LAMA2: variants seen among roughly 807,000 people sequenced by gnomAD.
The protein encoded by LAMA2 is laminin subunit alpha-2.
Under a neutral mutation model 364.8 loss-of-function variants are expected in LAMA2, and 269 were observed. The observed-to-expected ratio is 0.74, with a 90% CI of 0.67 to 0.82. LAMA2 has a LOEUF of 0.82. Among genes scored for constraint, LAMA2 ranks in the 40% least tolerant of loss-of-function variants. The pLI is 0.00. For synonymous variants in LAMA2, 1,379 were observed against 1,370.6 expected (o/e 1.01, Z -0.14); for missense variants, 3,807 against 3,873.2 (o/e 0.98, Z 0.45).
At chr6:128,941,921 T>C (rs1465935367) in intron 1 of LAMA2, among the ~76,000 whole-genome samples, 1 of 152,154 alleles carries the variant, frequency 6.6e-6, no homozygotes, top group Non-Finnish European at 1.5e-5. Flanking sequence ...GGGGACAATG[T>C]TGGCCTGCAT....
At chr6:129,166,821 C>T (rs1435267516) in intron 9 of LAMA2, among the ~76,000 whole-genome samples, 2 of 152,048 alleles carry the variant, frequency 1.3e-5, no homozygotes, top group Admixed American at 6.6e-5. Context: ...GATATTGCTC[C>T]TCTTAACTTT....
chr6:129,347,003 CA>C (rs1364325825), intron 30 of LAMA2, among the ~76,000 whole-genome samples: 1 of 152,078 alleles, frequency 6.6e-6, no homozygotes, highest in African/African-American at 2.4e-5. Flanking sequence ...CCATGCTTGG[CA>C]GATAACAGGA....
chr6:129,072,840 A>T (rs7750276), intron 3 of LAMA2, among the ~76,000 whole-genome samples: 31,516 of 152,020 alleles, frequency 0.21, 4,585 homozygotes, highest in African/African-American at 0.41. Context: ...TATAGTTCTC[A>T]TATGTTTAAT....
At chr6:129,131,841 A>G (rs1295259812) in intron 4 of LAMA2, among the ~76,000 whole-genome samples, 2 of 152,230 alleles carry the variant, frequency 1.3e-5, no homozygotes, top group South Asian at 2.1e-4. Flanking sequence ...TTTAAATGAT[A>G]TCTCACCATC....
intron 56 of LAMA2, chr6:129,491,225 CTT>C (rs906369059): frequency 8.5e-5 from 13 of 152,506 alleles, no homozygotes; most frequent in Admixed American, 7.2e-4. Flanking sequence ...CATCAGAACT[CTT>C]TGTCTCCTTC....
At chr6:128,993,183 A>T (rs1254600913) in intron 1 of LAMA2, among the ~76,000 whole-genome samples, 1 of 152,194 alleles carries the variant, frequency 6.6e-6, no homozygotes. Context: ...ACGCCAAAAA[A>T]CATTCTGACT....
rs114438622 is a variant in LAMA2 at position 129,137,065 on chromosome 6, C to T, written c.640-6836C>T. On this transcript the variant is annotated intron_variant, in intron 4 of 64. Coordinates refer to ENST00000421865, the MANE Select transcript of LAMA2 (RefSeq NM_000426.4). ...CTAAGCTTAGGGGTAGAGTTGTCAA[C>T]GATACAGTCATATTTGTTGAACAGT... is the stretch of plus-strand genomic sequence containing the variant. Among the ~76,000 whole-genome samples the T allele has an allele frequency of 6.6e-3, 1,001 of 152,130 alleles. 9 individuals are homozygous for T. Among genetic ancestry groups the T allele is most frequent in the African/African-American group, 0.022 (929 of 41,512 alleles).
chr6:129,062,911 G>GTTT, intron 3 of LAMA2, among the ~76,000 whole-genome samples: 1 of 109,996 alleles, frequency 9.1e-6, no homozygotes, highest in African/African-American at 4.1e-5. Context: ...GATTACAGTG[G>GTTT]GTTTTTTTTT....
intron 9 of LAMA2, among the ~76,000 whole-genome samples, chr6:129,172,190 C>T (rs1300347421): frequency 6.6e-6 from 1 of 152,184 alleles, no homozygotes; most frequent in African/African-American, 2.4e-5. Flanking sequence ...AAGTCGTTCT[C>T]CATCCAGCTT....
At chr6:128,998,314 T>G (rs914537005) in intron 1 of LAMA2, among the ~76,000 whole-genome samples, 3 of 152,196 alleles carry the variant, frequency 2.0e-5, no homozygotes, top group Non-Finnish European at 2.9e-5. Context: ...AGGAGCAAAG[T>G]TGATGCACAA....
chr6:129,397,527 A>G (rs748579456), intron 37 of LAMA2, among the ~76,000 whole-genome samples: 1 of 152,222 alleles, frequency 6.6e-6, no homozygotes, highest in Non-Finnish European at 1.5e-5. Context: ...ATAAAGTGCC[A>G]TAGAACAAAC....
intron 44 of LAMA2, among the ~76,000 whole-genome samples, chr6:129,443,582 C>T (rs7748682): frequency 0.025 from 3,845 of 152,234 alleles, 157 homozygotes; most frequent in African/African-American, 0.088. Flanking sequence ...AAGGTCTACA[C>T]TGTTGTTGTT....
chr6:129,255,034 GTA>G (rs1260764901), intron 14 of LAMA2, among the ~76,000 whole-genome samples: 1 of 146,176 alleles, frequency 6.8e-6, no homozygotes, highest in African/African-American at 2.8e-5. Flanking sequence ...TAGAAATGAT[GTA>G]TTTTTTTTTT....
At chr6:129,297,331 A>T (rs1773249341) in intron 20 of LAMA2, among the ~76,000 whole-genome samples, 2 of 152,208 alleles carry the variant, frequency 1.3e-5, no homozygotes, top group Non-Finnish European at 2.9e-5. Flanking sequence ...ACTAAAAATG[A>T]AGAAGTAAAA....
At chr6:129,343,674 T>C (rs1439729581) in intron 30 of LAMA2, among the ~76,000 whole-genome samples, 1 of 152,170 alleles carries the variant, frequency 6.6e-6, no homozygotes, top group Non-Finnish European at 1.5e-5. Flanking sequence ...GTGAGTACAC[T>C]ATAATAAAAG....
chr6:128,905,196 G>A (rs1392733547), intron 1 of LAMA2, among the ~76,000 whole-genome samples: 1 of 152,108 alleles, frequency 6.6e-6, no homozygotes, highest in African/African-American at 2.4e-5. Context: ...TCAATCTTTG[G>A]GGTAACTTCT....
At chr6:129,326,702 A>C (rs2114528284) in intron 28 of LAMA2, among the ~76,000 whole-genome samples, 1 of 144,432 alleles carries the variant, frequency 6.9e-6, no homozygotes, top group East Asian at 2.0e-4. Context: ...TATATATATA[A>C]TTTTATATAC....
At position 129,328,356 on chromosome 6, in the gene LAMA2, C is replaced by G; in HGVS notation, c.4255C>G (p.Pro1419Ala). Residue 1419 changes from proline (P) to alanine (A), a missense_variant, in exon 29 of 65, where the codon CCA becomes GCA. Pro to Ala is a conservative substitution (Grantham distance 27). Coordinates refer to ENST00000421865, the MANE Select transcript of LAMA2 (RefSeq NM_000426.4). ...TPGPTLGTCV[P>A]CQCNGHSSLC... ...TGGACCAACCCTGGGCACCTGTGTT[C>G]CATGTCAATGTAATGGACACAGCAG... 6.2e-7 allele frequency: 1 copy of G among 1,614,188 alleles called. No homozygotes were observed. Among genetic ancestry groups the G allele is most frequent in the Non-Finnish European group, 8.5e-7 (1 of 1,180,014 alleles).
At chr6:129,335,650 A>G (rs1775916240) in intron 29 of LAMA2, among the ~76,000 whole-genome samples, 1 of 152,202 alleles carries the variant, frequency 6.6e-6, no homozygotes, top group Admixed American at 6.5e-5. Flanking sequence ...TATCTTCAGT[A>G]AATAGACAGA....
Sources: allele counts gnomAD v4.1 joint callset (sites outside exome capture counted in the v4.1 genomes callset), GRCh38; gene constraint gnomAD v4.1.1; transcripts MANE v1.5; gene names NCBI Gene and HGNC (gene_info 2026-07-23, HGNC 2026-07-21).